The following ATF6 variants were observed in gnomAD, a reference collection of about 807,000 sequenced individuals.
ATF6 encodes the protein cyclic AMP-dependent transcription factor ATF-6 alpha.
In ATF6, 53 loss-of-function variants were observed where a neutral mutation model predicts 83.6. The observed-to-expected ratio is 0.63, with a 90% CI of 0.51 to 0.80. The LOEUF is 0.80. Among genes scored for constraint, ATF6 ranks in the 30% least tolerant of loss-of-function variants. The probability of loss-of-function intolerance (pLI) is 0.00; values close to 1 mark genes in which losing one functional copy is unlikely to be tolerated. For missense variants in ATF6, 744 were observed against 797.9 expected (o/e 0.93, Z 0.81); for synonymous variants, 288 against 285.8 (o/e 1.01, Z -0.08).
intron 14 of ATF6, among the ~76,000 whole-genome samples, chr1:161,875,928 A>G (rs541068345): frequency 9.2e-5 from 14 of 152,050 alleles, no homozygotes; most frequent in African/African-American, 2.9e-4. Context: ...ACTTCCTTCA[A>G]TTACATTGAC....
rs1210688594 is a variant in ATF6 at position 161,860,276 on chromosome 1, A to G, written c.1603A>G (p.Ser535Gly). 6.4e-7 allele frequency: 1 copy of G among 1,571,318 alleles called. No individual in the cohort carries two copies. Among genetic ancestry groups the G allele is most frequent in the East Asian group, 2.3e-5 (1 of 44,380 alleles). Residue 535 changes from serine to glycine, a missense_variant and splice_region_variant, in exon 13 of 16, where the codon AGC (serine) becomes GGC (glycine). Transcript: ENST00000367942. ...ATACACAGAAACCACTAGTAGTATC[A>G]GGTAAGACAGTGCAGAAGCTCTTGG... Reference protein sequence around the residue: ...VQYTETTSSISRNSGSELQVY... With the variant: ...VQYTETTSSIGRNSGSELQVY...
chr1:161,814,747 A>T (rs1050506844), intron 7 of ATF6, among the ~76,000 whole-genome samples: 2 of 152,198 alleles, frequency 1.3e-5, no homozygotes, highest in African/African-American at 2.4e-5. Context: ...AAACAATTTA[A>T]TGAGAAAAAT....
intron 9 of ATF6, among the ~76,000 whole-genome samples, chr1:161,841,618 C>T (rs1398803184): frequency 6.6e-6 from 1 of 152,134 alleles, no homozygotes; most frequent in African/African-American, 2.4e-5. Flanking sequence ...TTTGTTTCAT[C>T]ATGACTCCCT....
At chr1:161,804,833 C>G (rs1685240037) in intron 7 of ATF6, among the ~76,000 whole-genome samples, 1 of 151,938 alleles carries the variant, frequency 6.6e-6, no homozygotes, top group Admixed American at 6.6e-5. Flanking sequence ...TATTAGTTCT[C>G]TGGTGTGAAA....
intron 9 of ATF6, among the ~76,000 whole-genome samples, chr1:161,837,175 G>A (rs1231848713): frequency 6.6e-6 from 1 of 152,168 alleles, no homozygotes; most frequent in Non-Finnish European, 1.5e-5. Context: ...CTAATATTAA[G>A]GGTAGTATAG....
intron 4 of ATF6, among the ~76,000 whole-genome samples, chr1:161,786,484 C>A (rs1684750923): frequency 6.6e-6 from 1 of 151,830 alleles, no homozygotes; most frequent in African/African-American, 2.4e-5. Flanking sequence ...AATTATTGAT[C>A]TTTTCTTTAA....
At chr1:161,851,618 A>G in intron 10 of ATF6, 104 bp from the exon 11 acceptor site, 1 of 692,526 alleles carries the variant, frequency 1.4e-6, no homozygotes, top group Non-Finnish European at 2.5e-6. Context: ...TGTTTACTAT[A>G]TTTTTGTTTC....
chr1:161,920,702 G>A (rs1313618362), intron 15 of ATF6, among the ~76,000 whole-genome samples: 1 of 151,762 alleles, frequency 6.6e-6, no homozygotes, highest in South Asian at 2.1e-4. Flanking sequence ...GGCTAAGGCC[G>A]AGATTGCAGA....
chr1:161,853,201 ATTAATTAAACTATATTTTAT>A lies in ATF6; in HGVS notation c.1434-22_1434-3del. 7.0e-7 allele frequency: 1 copy of A among 1,423,794 alleles called. No homozygotes were observed. Among genetic ancestry groups the A allele is most frequent in the Non-Finnish European group, 9.7e-7 (1 of 1,030,800 alleles). The allele number at this position is 1,423,794 out of a possible 1,614,324, so 88.2% of individuals were successfully genotyped here. A position where few individuals can be genotyped will look rare whatever the true frequency, so the allele number is the denominator to read the frequency against. On this transcript the variant is annotated splice_region_variant and splice_polypyrimidine_tract_variant and intron_variant, in intron 11 of 15. Coordinates refer to ENST00000367942, the MANE Select transcript of ATF6 (RefSeq NM_007348.4). ...TATGTTTAATTAATTTCTATGTTTA[ATTAATTAAACTATATTTTAT>A]AGGTTAAATCATGAACTTCGAGGAT...
intron 14 of ATF6, among the ~76,000 whole-genome samples, chr1:161,888,988 C>G (rs1031162119): frequency 3.3e-5 from 5 of 152,110 alleles, no homozygotes; most frequent in African/African-American, 1.2e-4. Context: ...ACCCTTATCC[C>G]CTCCCTCATG....
intron 4 of ATF6, among the ~76,000 whole-genome samples, chr1:161,785,924 G>T (rs1205599819): frequency 2.7e-5 from 4 of 150,468 alleles, no homozygotes; most frequent in African/African-American, 9.8e-5. Flanking sequence ...TATGTTTAAG[G>T]CCTATTTGCA....
At chr1:161,787,617 C>G (rs1418027810) in intron 4 of ATF6, among the ~76,000 whole-genome samples, 2 of 152,110 alleles carry the variant, frequency 1.3e-5, no homozygotes, top group African/African-American at 2.4e-5. Flanking sequence ...TTTACCCCAT[C>G]TAGTGGCTTA....
chr1:161,835,240 G>T (rs1391542300), intron 9 of ATF6, among the ~76,000 whole-genome samples: 1 of 152,120 alleles, frequency 6.6e-6, no homozygotes, highest in African/African-American at 2.4e-5. Flanking sequence ...TTTTTTTGAA[G>T]TGATGACATC....
chr1:161,851,274 A>ACACC (rs1264016372), intron 10 of ATF6, among the ~76,000 whole-genome samples: 18 of 144,228 alleles, frequency 1.2e-4, no homozygotes, highest in Admixed American at 3.4e-4. Context: ...ACACACACAC[A>ACACC]CCCCTACCTG....
chr1:161,918,852 T>C (rs1381077608), intron 15 of ATF6, among the ~76,000 whole-genome samples: 1 of 152,160 alleles, frequency 6.6e-6, no homozygotes, highest in Non-Finnish European at 1.5e-5. Flanking sequence ...ATTGAGCAAC[T>C]GGTTTATGTA....
At position 161,843,116 on chromosome 1, in the gene ATF6, A is replaced by G. The variant is rs551565735; in HGVS notation, c.1188-3333A>G. Among the ~76,000 whole-genome samples the G allele has an allele frequency of 2.0e-5, 3 of 152,302 alleles. No homozygotes were observed. In the East Asian group the frequency reaches 5.8e-4, roughly 29 times the overall value. ...AGGGTGCCATCCCTTTGAAGGGTGC[A>G]CTCACGCATGTTCCGCACACTCATT... On this transcript the variant is annotated intron_variant, in intron 9 of 15. Coordinates refer to ENST00000367942, the MANE Select transcript of ATF6 (RefSeq NM_007348.4).
intron 15 of ATF6, among the ~76,000 whole-genome samples, chr1:161,936,973 T>C: frequency 6.6e-6 from 1 of 152,114 alleles, no homozygotes; most frequent in East Asian, 1.9e-4. Context: ...CCACATCCCA[T>C]ATCTAATCCC....
At chr1:161,767,170 T>C (rs1684284314) in intron 1 of ATF6, among the ~76,000 whole-genome samples, 1 of 152,204 alleles carries the variant, frequency 6.6e-6, no homozygotes, top group Non-Finnish European at 1.5e-5. Flanking sequence ...ATAATAGTAA[T>C]ATTGTTCTTA....
intron 14 of ATF6, among the ~76,000 whole-genome samples, chr1:161,883,411 TAC>T (rs910125669): frequency 6.6e-6 from 1 of 152,068 alleles, no homozygotes; most frequent in African/African-American, 2.4e-5. Flanking sequence ...TCTATAGAAC[TAC>T]AGACTTAGAT....
Sources: gnomAD v4.1 joint callset for allele counts (sites outside exome capture counted in the v4.1 genomes callset) on GRCh38, gnomAD v4.1.1 for gene constraint, MANE v1.5 for transcripts, NCBI Gene and HGNC (gene_info 2026-07-23, HGNC 2026-07-21) for gene names.